The following MYH14 variants were observed in gnomAD, a reference collection of about 807,000 sequenced individuals.
The protein encoded by MYH14 is myosin heavy chain 14.
Under a neutral mutation model 255.5 loss-of-function variants are expected in MYH14, and 123 were observed. The observed-to-expected ratio is 0.48, with a 90% CI of 0.42 to 0.56. The LOEUF (loss-of-function observed/expected upper bound fraction) is 0.56. Ranked by LOEUF, MYH14 falls within the 20% of genes least tolerant of loss-of-function variation. The pLI is 0.00. For missense variants in MYH14, 2,423 were observed against 2,802.3 expected, an observed-to-expected ratio of 0.86 and a Z score of 3.06; for synonymous variants, 1,095 against 1,161.2, an observed-to-expected ratio of 0.94 and a Z score of 1.16.
chr19:50,252,600 C>T lies in MYH14; in HGVS notation c.1831-39C>T, dbSNP rs1307929765. ...TTAGGAAATCCAGAGAATGTCTGAG[C>T]CTGCAAGTCATCGCCCTCCTCTACC... On this transcript the variant is annotated intron_variant, in intron 15 of 42. Transcript: ENST00000642316. The surrounding 1 kb of genome is among the most constrained non-coding windows in gnomAD (Gnocchi z 4.2). 4 of 1,356,668 alleles carry T rather than the reference C, an allele frequency of 2.9e-6. No homozygotes were observed. Among genetic ancestry groups the T allele is most frequent in the African/African-American group, 1.4e-5 (1 of 69,250 alleles). The allele number at this position is 1,356,668 out of a possible 1,614,324, so 84.0% of individuals were successfully genotyped here.
chr19:50,213,777 G>A (rs1024046343), intron 2 of MYH14, among the ~76,000 whole-genome samples: 1 of 152,162 alleles, frequency 6.6e-6, no homozygotes, highest in East Asian at 1.9e-4. Context: ...GAAGCTGATA[G>A]TGGCTAAAAT....
intron 33 of MYH14, among the ~76,000 whole-genome samples, chr19:50,282,738 A>G (rs1432823588): frequency 1.3e-5 from 2 of 152,126 alleles, no homozygotes; most frequent in Admixed American, 6.5e-5. Context: ...AATTTTTTTA[A>G]ATTGTCATTT....
At chr19:50,205,288 GGGAGGAGCCCCTGGCGC>G (rs2031670198) in intron 1 of MYH14, among the ~76,000 whole-genome samples, 1 of 152,200 alleles carries the variant, frequency 6.6e-6, no homozygotes, top group Admixed American at 6.5e-5. Context: ...CTCCATAAGG[GGGAGGAGCCCCTGGCGC>G]CGCCGCCGCC....
intron 27 of MYH14, among the ~76,000 whole-genome samples, chr19:50,274,540 C>G (rs970463113): frequency 6.6e-6 from 1 of 152,188 alleles, no homozygotes; most frequent in Non-Finnish European, 1.5e-5. Context: ...GGTGATCCAC[C>G]TGCCTTGGCC....
At chr19:50,237,226 C>T (rs1267674799) in intron 10 of MYH14, among the ~76,000 whole-genome samples, 1 of 152,136 alleles carries the variant, frequency 6.6e-6, no homozygotes, top group African/African-American at 2.4e-5. Context: ...AATGCCCCAC[C>T]ACCACCAGCT....
chr19:50,306,204 A>G (rs556958529), intron 40 of MYH14, among the ~76,000 whole-genome samples: 4 of 152,284 alleles, frequency 2.6e-5, no homozygotes, highest in Admixed American at 6.5e-5. Context: ...GCTTGAACCC[A>G]GGATGCAGAG....
intron 10 of MYH14, among the ~76,000 whole-genome samples, chr19:50,234,287 C>T (rs536736812): frequency 4.6e-4 from 70 of 152,286 alleles, no homozygotes; most frequent in African/African-American, 1.7e-3. Context: ...GGTGGACCTC[C>T]GCCTTTTCAG....
At chr19:50,253,839 T>C (rs1193214362) in intron 16 of MYH14, among the ~76,000 whole-genome samples, 1 of 152,204 alleles carries the variant, frequency 6.6e-6, no homozygotes, top group Non-Finnish European at 1.5e-5. Context: ...GGTTCCAAGT[T>C]TCTGGCATTT....
intron 36 of MYH14, among the ~76,000 whole-genome samples, chr19:50,291,852 G>A (rs571040418): frequency 1.3e-5 from 2 of 152,232 alleles, no homozygotes; most frequent in African/African-American, 4.8e-5. Context: ...GTGACAGAGC[G>A]AGACTGTCTC....
intron 30 of MYH14, among the ~76,000 whole-genome samples, chr19:50,278,888 T>A (rs1301297965): frequency 2.0e-5 from 3 of 150,506 alleles, no homozygotes; most frequent in Non-Finnish European, 4.4e-5. Context: ...CTCGAGAGGC[T>A]GAGGCAGGAG....
intron 1 of MYH14, among the ~76,000 whole-genome samples, chr19:50,206,090 A>T (rs1213146553): frequency 6.6e-6 from 1 of 151,996 alleles, no homozygotes; most frequent in East Asian, 1.9e-4. Flanking sequence ...GGCCACTTGG[A>T]GCCAAGGCCT....
chr19:50,206,994 C>T (rs1414258584), intron 1 of MYH14, among the ~76,000 whole-genome samples: 2 of 136,868 alleles, frequency 1.5e-5, no homozygotes, highest in African/African-American at 5.4e-5. Flanking sequence ...AGGAGGATCA[C>T]TTGAGCCCAG....
intron 6 of MYH14, 30 bp downstream of exon 6, chr19:50,224,207 G>C: frequency 6.2e-7 from 1 of 1,613,898 alleles, no homozygotes; most frequent in Non-Finnish European, 8.5e-7. Flanking sequence ...CTCGAGTCTT[G>C]CTGCCCCTAA....
chr19:50,256,968 T>C (rs1195833373), intron 17 of MYH14, among the ~76,000 whole-genome samples: 1 of 152,204 alleles, frequency 6.6e-6, no homozygotes, highest in Non-Finnish European at 1.5e-5. Flanking sequence ...TTTGCTGTTA[T>C]TGTCATCATT....
chr19:50,215,067 C>G (rs910656843), intron 2 of MYH14, among the ~76,000 whole-genome samples: 4 of 152,198 alleles, frequency 2.6e-5, no homozygotes, highest in Non-Finnish European at 5.9e-5. Context: ...GCAGCCATTC[C>G]TGACCCTTCC....
intron 22 of MYH14, among the ~76,000 whole-genome samples, chr19:50,263,881 A>C (rs2034981121): frequency 6.6e-6 from 1 of 151,874 alleles, no homozygotes; most frequent in Non-Finnish European, 1.5e-5. Flanking sequence ...ATATGGGGAA[A>C]TCCTGTCTCT....
Position 50,309,097 on chromosome 19 carries a change from GC to G in MYH14, c.5881del (p.Leu1961CysfsTer15), listed in dbSNP as rs1387599599. The G allele has an allele frequency of 4.3e-6, 7 of 1,613,936 alleles. No homozygotes were observed. The highest frequency in any genetic ancestry group is 5.9e-6 in the Non-Finnish European group (7 of 1,179,828). ...ASRAQAGRRR[L>X]QRELEDVTES... ...CCCGGGCTCAGGCCGGCCGCCGGAG[GC>G]TGCAGCGTGAGCTGGAAGATGTCAC... On this transcript the variant is annotated frameshift_variant, in exon 42 of 43. Coordinates refer to ENST00000642316, the MANE Select transcript of MYH14 (RefSeq NM_001145809.2). LOFTEE classifies it high-confidence loss of function.
In MYH14 at chr19:50,291,024, G is replaced by T. The variant is rs375599200; in HGVS notation, c.5103G>T (p.Ala1701=). 1.2e-6 allele frequency: 2 copies of T among 1,612,778 alleles called. No homozygotes were observed. Among genetic ancestry groups the T allele is most frequent in the Non-Finnish European group, 1.7e-6 (2 of 1,179,636 alleles). ...CTGCCGGCCAGGGCAAGGAGGAGGC[G>T]GTGAAGCAGCTTCGCAAGATGCAGG... is the stretch of plus-strand genomic sequence containing the variant. ...MASAGQGKEE[A]VKQLRKMQAQ... The change falls in exon 36 of 43, where the codon GCG becomes GCT. Residue 1701 remains alanine, a synonymous_variant. Coordinates refer to ENST00000642316, the MANE Select transcript of MYH14 (RefSeq NM_001145809.2).
At chr19:50,255,166 C>T in intron 16 of MYH14, 54 bp from the exon 17 acceptor site, 1 of 1,161,906 alleles carries the variant, frequency 8.6e-7, no homozygotes, top group Non-Finnish European at 1.3e-6. Flanking sequence ...CTCTCTCCGC[C>T]ATCTCTCTGC....
Sources: gnomAD v4.1 joint callset for allele counts (sites outside exome capture counted in the v4.1 genomes callset) on GRCh38, gnomAD v4.1.1 for gene constraint, Gnocchi (gnomAD v3.1) non-coding constraint, MANE v1.5 for transcripts, NCBI Gene and HGNC (gene_info 2026-07-23, HGNC 2026-07-21) for gene names.